FGGY: variants seen among roughly 807,000 people sequenced by gnomAD.
The protein encoded by FGGY is FGGY carbohydrate kinase domain-containing protein.
A neutral mutation model predicts 71.3 loss-of-function variants in FGGY; 72 were observed. The observed-to-expected ratio is 1.01, with a 90% confidence interval of 0.84 to 1.23. FGGY has a LOEUF of 1.23. FGGY is among the 50% of genes most tolerant of loss of function. The pLI, the probability that FGGY is intolerant of heterozygous loss-of-function variation, is 0.00. For synonymous variants in FGGY, 251 were observed against 250.3 expected, an observed-to-expected ratio of 1.00 and a Z score of -0.02; for missense variants, 668 against 682.3, an observed-to-expected ratio of 0.98 and a Z score of 0.23.
intron 6 of FGGY, among the ~76,000 whole-genome samples, chr1:59,479,600 T>G (rs908899593): frequency 1.3e-5 from 2 of 152,194 alleles, no homozygotes; most frequent in African/African-American, 4.8e-5. Context: ...TTTCCCTTCA[T>G]GAGGCTTCTG....
At chr1:59,420,211 A>G (rs1452116867) in intron 5 of FGGY, among the ~76,000 whole-genome samples, 2 of 152,204 alleles carry the variant, frequency 1.3e-5, no homozygotes, top group Admixed American at 1.3e-4. Flanking sequence ...CTCTCTCTGT[A>G]CATCCTGACT....
intron 4 of FGGY, among the ~76,000 whole-genome samples, chr1:59,359,687 C>A (rs1027856091): frequency 1.3e-5 from 2 of 152,108 alleles, no homozygotes; most frequent in Non-Finnish European, 2.9e-5. Flanking sequence ...CTGAATCCTC[C>A]CTGTATGGAG....
At chr1:59,699,129 T>A (rs1573399696) in intron 14 of FGGY, 1 of 985,422 alleles carries the variant, frequency 1.0e-6, no homozygotes, top group East Asian at 1.1e-4. Context: ...ATCTTGATTA[T>A]AAAACAAATT....
chr1:59,457,522 G>A (rs2091830837), intron 6 of FGGY, among the ~76,000 whole-genome samples: 1 of 152,098 alleles, frequency 6.6e-6, no homozygotes, highest in Admixed American at 6.5e-5. Context: ...GAGGTGGGGG[G>A]ATTGCTTGAG....
intron 1 of FGGY, among the ~76,000 whole-genome samples, chr1:59,316,889 C>T (rs2045557152): frequency 6.6e-6 from 1 of 152,184 alleles, no homozygotes; most frequent in African/African-American, 2.4e-5. Flanking sequence ...CCACCCTCCC[C>T]ATATCCCTAA....
At chr1:59,369,627 C>T (rs2057227363) in intron 4 of FGGY, among the ~76,000 whole-genome samples, 1 of 152,176 alleles carries the variant, frequency 6.6e-6, no homozygotes. Flanking sequence ...GGTCCCTGAC[C>T]CCTGACCCCC....
chr1:59,653,825 T>C (rs2097193356), intron 11 of FGGY, among the ~76,000 whole-genome samples: 1 of 152,232 alleles, frequency 6.6e-6, no homozygotes, highest in Non-Finnish European at 1.5e-5. Context: ...ATCTTTCTCA[T>C]GCTTTGAACC....
chr1:59,466,925 A>G (rs2092667568), intron 6 of FGGY, among the ~76,000 whole-genome samples: 2 of 152,218 alleles, frequency 1.3e-5, no homozygotes, highest in Admixed American at 1.3e-4. Context: ...TAGTTCAACC[A>G]TTGTGGAAGA....
At chr1:59,595,419 G>A (rs951785210) in intron 8 of FGGY, among the ~76,000 whole-genome samples, 11 of 152,126 alleles carry the variant, frequency 7.2e-5, no homozygotes, top group Non-Finnish European at 1.6e-4. Flanking sequence ...GGCCTGGCGC[G>A]GTGGCTCATG....
chr1:59,700,367 A>T (rs2097699817), intron 14 of FGGY, among the ~76,000 whole-genome samples: 1 of 152,154 alleles, frequency 6.6e-6, no homozygotes, highest in South Asian at 2.1e-4. Flanking sequence ...TGTTCTAACC[A>T]CTTTGCATGA....
At chr1:59,383,451 C>A (rs1318916924) in intron 5 of FGGY, among the ~76,000 whole-genome samples, 2 of 152,174 alleles carry the variant, frequency 1.3e-5, no homozygotes, top group African/African-American at 4.8e-5. Context: ...CCCCCGCCAT[C>A]TGAATGGACC....
At chr1:59,635,170 G>A (rs1278671182) in intron 10 of FGGY, among the ~76,000 whole-genome samples, 1 of 152,188 alleles carries the variant, frequency 6.6e-6, no homozygotes, top group Non-Finnish European at 1.5e-5. Context: ...ATAATGATGT[G>A]TATTAGTTAG....
chr1:59,388,978 T>C (rs11586543), intron 5 of FGGY, among the ~76,000 whole-genome samples: 57,329 of 151,800 alleles, frequency 0.38, 11,450 homozygotes, highest in African/African-American at 0.49. Context: ...GACAGGGTCT[T>C]GCTCTGTCGC....
chr1:59,564,966 A>G (rs573338826), intron 8 of FGGY, among the ~76,000 whole-genome samples: 1 of 152,294 alleles, frequency 6.6e-6, no homozygotes, highest in South Asian at 2.1e-4. Flanking sequence ...TTCTTCCTCT[A>G]GAAGTAGAGG....
At chr1:59,573,838 AT>A (rs2096031273) in intron 8 of FGGY, among the ~76,000 whole-genome samples, 1 of 152,144 alleles carries the variant, frequency 6.6e-6, no homozygotes, top group Admixed American at 6.6e-5. Context: ...AATGGATTAC[AT>A]TTTTCTTCTG....
At chr1:59,754,868 G>C (rs2098277020) in intron 14 of FGGY, 1 of 152,262 alleles carries the variant, frequency 6.6e-6, no homozygotes, top group Non-Finnish European at 1.5e-5. Flanking sequence ...CTCTGGCAGT[G>C]CTGGTTGATC....
intron 14 of FGGY, among the ~76,000 whole-genome samples, chr1:59,753,444 C>A (rs2098262638): frequency 7.8e-6 from 1 of 128,310 alleles, no homozygotes; most frequent in African/African-American, 2.9e-5. Flanking sequence ...GTCATTTTGA[C>A]TGTCTTTATA....
At chr1:59,385,835 AC>A (rs2060008776) in intron 5 of FGGY, among the ~76,000 whole-genome samples, 2 of 152,146 alleles carry the variant, frequency 1.3e-5, no homozygotes, top group Admixed American at 6.6e-5. Context: ...CAAAGCAAAG[AC>A]AGAGCTTAAT....
intron 7 of FGGY, among the ~76,000 whole-genome samples, chr1:59,530,873 G>T (rs1369085490): frequency 6.6e-6 from 1 of 152,156 alleles, no homozygotes; most frequent in Non-Finnish European, 1.5e-5. Context: ...TATCCTTAAG[G>T]TACTAGCTTG....
Sources: gnomAD v4.1 joint callset for allele counts (sites outside exome capture counted in the v4.1 genomes callset) on GRCh38, gnomAD v4.1.1 for gene constraint, MANE v1.5 for transcripts, NCBI Gene and HGNC (gene_info 2026-07-23, HGNC 2026-07-21) for gene names.